Variants in CSMD1 observed in about 807,000 individuals in gnomAD.
The protein encoded by CSMD1 is CUB and Sushi multiple domains 1, also known as CUB and sushi domain-containing protein 1.
CSMD1 carries 213 observed loss-of-function variants against 417.5 expected under a neutral mutation model. The observed-to-expected ratio is 0.51, with a 90% CI of 0.46 to 0.57. The LOEUF is 0.57. CSMD1 is among the 20% of genes least tolerant of loss of function. The pLI, the probability that CSMD1 is intolerant of heterozygous loss-of-function variation, is 0.00. For synonymous variants in CSMD1, 2,862 were observed against 1,736.8 expected, an observed-to-expected ratio of 1.65 and a Z score of -16.11; for missense variants, 6,923 against 4,529.7, an observed-to-expected ratio of 1.53 and a Z score of -15.17.
At chr8:3,099,889 C>G (rs7815145) in intron 46 of CSMD1, among the ~76,000 whole-genome samples, 135,687 of 152,226 alleles carry the variant, frequency 0.89, 61,095 homozygotes, top group East Asian at 0.96. Flanking sequence ...AAAGAGGTAG[C>G]AGATAATTTG....
chr8:4,901,410 T>A (rs78142563), intron 1 of CSMD1, among the ~76,000 whole-genome samples: 1 of 152,204 alleles, frequency 6.6e-6, no homozygotes, highest in African/African-American at 2.4e-5. Flanking sequence ...AAGCAGCTCA[T>A]TGCTTCTTCC....
chr8:4,011,812 G>A (rs1028330279), intron 4 of CSMD1, among the ~76,000 whole-genome samples: 17 of 152,172 alleles, frequency 1.1e-4, no homozygotes, highest in African/African-American at 4.1e-4. Flanking sequence ...AATTACACTG[G>A]AATAATATGT....
chr8:3,589,790 G>A (rs546677277), intron 8 of CSMD1, among the ~76,000 whole-genome samples: 1 of 152,048 alleles, frequency 6.6e-6, no homozygotes, highest in Non-Finnish European at 1.5e-5. Context: ...GAAGTAATGG[G>A]TATGTTAATT....
At chr8:4,984,211 T>C (rs1036448403) in intron 1 of CSMD1, among the ~76,000 whole-genome samples, 1 of 152,198 alleles carries the variant, frequency 6.6e-6, no homozygotes, top group African/African-American at 2.4e-5. Flanking sequence ...AGAGTAACCA[T>C]CACAGGACTT....
At chr8:4,554,916 G>A (rs1434996689) in intron 2 of CSMD1, among the ~76,000 whole-genome samples, 1 of 152,108 alleles carries the variant, frequency 6.6e-6, no homozygotes, top group African/African-American at 2.4e-5. Flanking sequence ...GTGGGATGCT[G>A]TCTTCTAGGC....
intron 18 of CSMD1, among the ~76,000 whole-genome samples, chr8:3,372,592 G>A (rs1197095457): frequency 5.9e-5 from 9 of 152,118 alleles, no homozygotes; most frequent in South Asian, 2.1e-4. Flanking sequence ...TGGGCATTAC[G>A]ATAAAAAGGA....
At chr8:4,596,738 C>T (rs371888264) in intron 2 of CSMD1, among the ~76,000 whole-genome samples, 15 of 152,246 alleles carry the variant, frequency 9.9e-5, no homozygotes, top group South Asian at 6.2e-4. Flanking sequence ...AAGGAACAAA[C>T]GAAATACACA....
chr8:4,977,273 G>A (rs1408318724), intron 1 of CSMD1, among the ~76,000 whole-genome samples: 1 of 152,132 alleles, frequency 6.6e-6, no homozygotes, highest in Non-Finnish European at 1.5e-5. Flanking sequence ...AGGTAAGACT[G>A]AACTTAACAT....
At chr8:4,682,955 CATATATATATATAT>C (rs10566841) in intron 1 of CSMD1, among the ~76,000 whole-genome samples, 1,485 of 118,458 alleles carry the variant, frequency 0.013, 40 homozygotes, top group African/African-American at 0.043. Context: ...TAAGTATCTT[CATATATATATATAT>C]ATATATATAT....
At chr8:3,609,081 G>C (rs1264334817) in intron 8 of CSMD1, among the ~76,000 whole-genome samples, 15 of 152,142 alleles carry the variant, frequency 9.9e-5, no homozygotes, top group African/African-American at 2.4e-5. Context: ...AACTACCAAG[G>C]TCAATAGAAG....
At chr8:3,519,772 A>C (rs1450055980) in intron 10 of CSMD1, among the ~76,000 whole-genome samples, 6 of 152,056 alleles carry the variant, frequency 3.9e-5, no homozygotes, top group Admixed American at 3.9e-4. Flanking sequence ...GGCTGTATGG[A>C]ACACTTGCAT....
At chr8:3,409,283 C>G (rs1431867535) in intron 13 of CSMD1, 140 bp downstream of exon 13, 1 of 652,166 alleles carries the variant, frequency 1.5e-6, no homozygotes, top group African/African-American at 1.8e-5. Flanking sequence ...AACGTCCTTG[C>G]ACGTTTCCAG....
Position 2,957,906 on chromosome 8 carries a change from G to A in CSMD1, c.9703-99C>T, listed in dbSNP as rs551909472. On this transcript the variant is annotated intron_variant, in intron 62 of 69. Transcript: ENST00000635120. ...TACACGCCCGAGTAAAAGTACAGCA[G>A]CAACTTTTCAGGTTAATGTCAAGCC... is the stretch of plus-strand genomic sequence containing the variant. 4 of 784,396 alleles carry A rather than the reference G, an allele frequency of 5.1e-6. No homozygotes were observed. In the South Asian group the frequency reaches 6.5e-5, roughly 13 times the overall value. 48.6% of individuals were successfully genotyped at this position (784,396 alleles called of 1,614,324 possible).
At chr8:3,425,587 C>CAAAAAAAAAAAAAAA (rs5888966) in intron 12 of CSMD1, among the ~76,000 whole-genome samples, 1 of 97,534 alleles carries the variant, frequency 1.0e-5, no homozygotes. Flanking sequence ...GATTCGGTCT[C>CAAAAAAAAAAAAAAA]AAAAAAAAAA....
intron 1 of CSMD1, among the ~76,000 whole-genome samples, chr8:4,879,870 T>C (rs1803285064): frequency 6.6e-6 from 1 of 152,076 alleles, no homozygotes; most frequent in East Asian, 1.9e-4. Flanking sequence ...ATAAAATCGA[T>C]CAATCAAATC....
intron 3 of CSMD1, among the ~76,000 whole-genome samples, chr8:4,311,935 C>G (rs759429191): frequency 6.6e-6 from 1 of 151,824 alleles, no homozygotes; most frequent in Admixed American, 6.6e-5. Flanking sequence ...GTGTAACAAA[C>G]CTTCACTTGT....
chr8:4,539,079 T>C (rs3920413), intron 2 of CSMD1, among the ~76,000 whole-genome samples: 56,304 of 152,122 alleles, frequency 0.37, 11,438 homozygotes, highest in South Asian at 0.48. Flanking sequence ...GCTTTTGTTT[T>C]TCTTTTTAGA....
At chr8:3,348,285 T>C in intron 21 of CSMD1, 124 bp from the exon 22 acceptor site, 1 of 662,334 alleles carries the variant, frequency 1.5e-6, no homozygotes, top group South Asian at 2.1e-5. Flanking sequence ...AGTAATATAT[T>C]ATTTCAAAAT....
At chr8:3,309,946 A>G (rs1346890282) in intron 23 of CSMD1, among the ~76,000 whole-genome samples, 3 of 151,842 alleles carry the variant, frequency 2.0e-5, no homozygotes, top group African/African-American at 4.8e-5. Flanking sequence ...CCTTCCACAA[A>G]GAGTCAGTCT....
Sources: gnomAD v4.1 joint callset for allele counts (sites outside exome capture counted in the v4.1 genomes callset) on GRCh38, gnomAD v4.1.1 for gene constraint, MANE v1.5 for transcripts, NCBI Gene and HGNC (gene_info 2026-07-23, HGNC 2026-07-21) for gene names.